The following STAM variants were observed in gnomAD, a reference collection of about 807,000 sequenced individuals.
STAM encodes signal transducing adapter molecule 1.
In STAM, 16 loss-of-function variants were observed where a neutral mutation model predicts 63.4. That is an observed-to-expected ratio of 0.25 (90% confidence interval 0.17 to 0.38). STAM has a LOEUF of 0.38. Among genes scored for constraint, STAM ranks in the 10% least tolerant of loss-of-function variants. The pLI is 1.00. For missense variants in STAM, 636 were observed against 657.1 expected (o/e 0.97, Z 0.35); for synonymous variants, 238 against 223.9 (o/e 1.06, Z -0.56).
In STAM at chr10:17,659,463, C is replaced by CTTTTTTTTTT. The variant is rs1223509007; in HGVS notation, c.41-988_41-979dup. Among the ~76,000 whole-genome samples, 55 of 107,516 alleles carry CTTTTTTTTTT rather than the reference C, an allele frequency of 5.1e-4. 5 individuals are homozygous for CTTTTTTTTTT. Among genetic ancestry groups the CTTTTTTTTTT allele is most frequent in the African/African-American group, 2.0e-3 (55 of 27,430 alleles). 70.5% of individuals were successfully genotyped at this position (107,516 alleles called of 152,430 possible). ...GGTATTCCATCTTTATTCTCTTCCT[C>CTTTTTTTTTT]TTTTTTTTTTTTTTTTTTTTTTAAA... On this transcript the variant is annotated intron_variant, in intron 1 of 13. Coordinates refer to ENST00000377524, the MANE Select transcript of STAM (RefSeq NM_003473.4).
intron 12 of STAM, among the ~76,000 whole-genome samples, chr10:17,707,422 T>G (rs998786581): frequency 2.6e-5 from 4 of 151,394 alleles, no homozygotes; most frequent in Admixed American, 6.6e-5. Flanking sequence ...AAAATAATAA[T>G]AATAATAATA....
chr10:17,666,385 G>GTTTTTTTTTT (rs1425682476), intron 2 of STAM, among the ~76,000 whole-genome samples: 1 of 102,298 alleles, frequency 9.8e-6, no homozygotes, highest in African/African-American at 3.8e-5. Context: ...CCTTGGCTTT[G>GTTTTTTTTTT]TATTTTTTTT....
chr10:17,681,672 C>CT (rs1454269022), intron 2 of STAM, among the ~76,000 whole-genome samples: 1 of 152,082 alleles, frequency 6.6e-6, no homozygotes, highest in Non-Finnish European at 1.5e-5. Flanking sequence ...AAAGAGCTCC[C>CT]TGTTTATGTT....
At position 17,715,864 on chromosome 10, in the gene STAM, C is replaced by T. The variant is rs1836793672; in HGVS notation, c.*1084C>T. 1.3e-5 allele frequency: 2 copies of T among 152,558 alleles called. No homozygotes were observed. The highest frequency in any genetic ancestry group is 2.9e-5 in the Non-Finnish European group (2 of 68,002). 9.5% of individuals were successfully genotyped at this position (152,558 alleles called of 1,614,324 possible). A position where few individuals can be genotyped will look rare whatever the true frequency, so the allele number is the denominator to read the frequency against. ...TAAATATGTCTTTAACACATTGTAT[C>T]CTTTAATTCTTCATTAAAATGGAAA... is the stretch of plus-strand genomic sequence containing the variant. On this transcript the variant is annotated 3_prime_UTR_variant, in exon 14 of 14. Transcript: ENST00000377524.
At chr10:17,648,473 T>C (rs1833606807) in intron 1 of STAM, among the ~76,000 whole-genome samples, 1 of 152,154 alleles carries the variant, frequency 6.6e-6, no homozygotes, top group Non-Finnish European at 1.5e-5. Context: ...TGTGGAAGCT[T>C]TGTTCTTTCA....
At chr10:17,651,442 G>A (rs1833738497) in intron 1 of STAM, among the ~76,000 whole-genome samples, 1 of 152,212 alleles carries the variant, frequency 6.6e-6, no homozygotes, top group Non-Finnish European at 1.5e-5. Flanking sequence ...TGTGCAATCA[G>A]TTACTGTTAA....
chr10:17,714,081 T>C (rs1371409745), intron 13 of STAM, among the ~76,000 whole-genome samples: 1 of 152,304 alleles, frequency 6.6e-6, no homozygotes, highest in Non-Finnish European at 1.5e-5. Flanking sequence ...AGGGAATCTA[T>C]CTGGCTCACT....
At chr10:17,694,509 C>G (rs908417666) in intron 6 of STAM, among the ~76,000 whole-genome samples, 1 of 152,104 alleles carries the variant, frequency 6.6e-6, no homozygotes, top group Non-Finnish European at 1.5e-5. Flanking sequence ...TGGTGATGGT[C>G]TGCACTTGGG....
At chr10:17,695,588 T>C (rs1835723426) in intron 7 of STAM, 1 of 170,010 alleles carries the variant, frequency 5.9e-6, no homozygotes, top group Non-Finnish European at 1.3e-5. Flanking sequence ...GTAAGAAATA[T>C]ATAATCTATT....
At chr10:17,650,652 A>G (rs1482689142) in intron 1 of STAM, among the ~76,000 whole-genome samples, 1 of 152,186 alleles carries the variant, frequency 6.6e-6, no homozygotes, top group Non-Finnish European at 1.5e-5. Context: ...ACTCTCTCAG[A>G]TTAGTACAGT....
chr10:17,678,580 C>T (rs1554824931), intron 2 of STAM, among the ~76,000 whole-genome samples: 2 of 152,070 alleles, frequency 1.3e-5, no homozygotes, highest in East Asian at 1.9e-4. Context: ...TTCTGAGGTT[C>T]GTTTATGTTG....
intron 9 of STAM, among the ~76,000 whole-genome samples, chr10:17,703,649 C>G (rs1300052679): frequency 1.3e-5 from 2 of 152,064 alleles, no homozygotes; most frequent in Admixed American, 1.3e-4. Flanking sequence ...TTCATTCATT[C>G]CATTGGTCTG....
At chr10:17,650,022 T>C (rs782019430) in intron 1 of STAM, among the ~76,000 whole-genome samples, 9 of 152,256 alleles carry the variant, frequency 5.9e-5, no homozygotes, top group South Asian at 2.1e-4. Flanking sequence ...GTTTCTATAA[T>C]AGAATATTTG....
intron 9 of STAM, 141 bp downstream of exon 9, chr10:17,700,420 G>A (rs1835940967): frequency 7.2e-6 from 4 of 556,888 alleles, no homozygotes; most frequent in Admixed American, 3.7e-5. Flanking sequence ...CAATATAGAC[G>A]ATGCAGACTG....
chr10:17,712,974 G>A (rs186208253), intron 13 of STAM, among the ~76,000 whole-genome samples: 10 of 152,238 alleles, frequency 6.6e-5, no homozygotes, highest in African/African-American at 2.2e-4. Flanking sequence ...TAAAAGAAAT[G>A]AGGTTATGAG....
At chr10:17,654,235 A>G (rs984741409) in intron 1 of STAM, among the ~76,000 whole-genome samples, 27 of 151,644 alleles carry the variant, frequency 1.8e-4, no homozygotes, top group Non-Finnish European at 3.4e-4. Flanking sequence ...TATTATTATT[A>G]TTTTTGAGAC....
chr10:17,708,895 C>G lies in STAM; in HGVS notation c.1329C>G (p.Val443=). 1.2e-6 allele frequency: 2 copies of G among 1,614,178 alleles called. No individual in the cohort carries two copies. Among genetic ancestry groups the G allele is most frequent in the Non-Finnish European group, 1.7e-6 (2 of 1,180,010 alleles). ...TGTCTTCTCTCAGCCAGGCAGTGGTCCCACCATCCGCAAACCCAGCCCTTC... is the reference window on the plus strand; with the variant it reads ...TGTCTTCTCTCAGCCAGGCAGTGGTGCCACCATCCGCAAACCCAGCCCTTC... The part of the protein sequence containing the change: ...EQLSSLSQAV[V]PPSANPALPS... Residue 443 remains valine (V), a synonymous_variant, in exon 13 of 14, where the codon GTC becomes GTG. Coordinates refer to ENST00000377524, the MANE Select transcript of STAM (RefSeq NM_003473.4).
In STAM at chr10:17,644,351, T is replaced by C. The variant is rs1833434669; in HGVS notation, c.12T>C (p.Phe4=). 1.2e-6 allele frequency: 2 copies of C among 1,614,042 alleles called. No individual in the cohort carries two copies. The highest frequency in any genetic ancestry group is 1.7e-6 in the Non-Finnish European group (2 of 1,180,028). ...GGCACGCAGCGGAGATGCCTCTTTT[T>C]GCCACCAATCCCTTCGATCAGGATG... MPL[F]ATNPFDQDVE... The change falls in exon 1 of 14, where the codon TTT becomes TTC. Residue 4 remains phenylalanine (F), a synonymous_variant. Transcript: ENST00000377524.
intron 2 of STAM, among the ~76,000 whole-genome samples, chr10:17,673,252 A>G (rs199636279): frequency 2.6e-5 from 4 of 152,280 alleles, no homozygotes; most frequent in Middle Eastern, 6.8e-3. Flanking sequence ...TTATAGTTCT[A>G]TTAACTACAT....
Sources: allele counts gnomAD v4.1 joint callset (sites outside exome capture counted in the v4.1 genomes callset), GRCh38; gene constraint gnomAD v4.1.1; transcripts MANE v1.5; gene names NCBI Gene and HGNC (gene_info 2026-07-23, HGNC 2026-07-21).